APOB: variants seen among roughly 807,000 people sequenced by gnomAD.
APOB encodes apolipoprotein B-100.
APOB carries 153 observed loss-of-function variants against 314.1 expected under a neutral mutation model. That is an observed-to-expected ratio of 0.49 (90% CI 0.43 to 0.56). APOB has a LOEUF of 0.56. Ranked by LOEUF, APOB falls within the 20% of genes least tolerant of loss-of-function variation. The probability of loss-of-function intolerance (pLI) is 0.00; values close to 1 mark genes in which losing one functional copy is unlikely to be tolerated. For missense variants in APOB, 5,430 were observed against 5,350.7 expected (o/e 1.01, Z -0.46); for synonymous variants, 2,087 against 2,036.4 (o/e 1.02, Z -0.67).
In APOB at chr2:21,023,585, T is replaced by C. The variant is rs1395107107; in HGVS notation, c.2544A>G (p.Ile848Met). Residue 848 changes from isoleucine (I) to methionine (M), a missense_variant, in exon 17 of 29, where the codon ATA becomes ATG. Physicochemically the swap from Ile to Met is conservative, Grantham distance 10. Around this residue, in one of 3 missense-constraint regions of APOB, gnomAD observed 2,085 missense variants for 2,079.7 expected, o/e 1.00. Transcript: ENST00000233242. ...LPTGAGLQLQ[I>M]SSSGVIAPGA... Reference sequence around the variant, plus strand: ...CGGGAGCAATGACTCCAGATGAAGATATTTGCAACTGTAATCCAGCTCCAG... The same window carrying C: ...CGGGAGCAATGACTCCAGATGAAGACATTTGCAACTGTAATCCAGCTCCAG... The C allele has an allele frequency of 6.2e-7, 1 of 1,614,198 alleles. No individual in the cohort carries two copies. The highest frequency in any genetic ancestry group is 1.1e-5 in the South Asian group (1 of 91,090).
In APOB at chr2:21,019,911, G is replaced by A; in HGVS notation, c.2817-6C>T. 1 of 1,614,068 alleles carries A rather than the reference G, an allele frequency of 6.2e-7. No homozygotes were observed. The highest frequency in any genetic ancestry group is 1.1e-5 in the South Asian group (1 of 91,072). On this transcript the variant is annotated splice_polypyrimidine_tract_variant and splice_region_variant and intron_variant, in intron 18 of 28. Coordinates refer to ENST00000233242, the MANE Select transcript of APOB (RefSeq NM_000384.3). Reference sequence around the variant, plus strand: ...AGACCAAATGTAATGTGTTGCTGGTGAAGAACAAAAATACCTGAGTTATTG... The same window carrying A: ...AGACCAAATGTAATGTGTTGCTGGTAAAGAACAAAAATACCTGAGTTATTG...
rs772891186 is a variant in APOB at position 21,027,822 on chromosome 2, A to G, written c.2067+6T>C. On this transcript the variant is annotated splice_donor_region_variant and intron_variant, in intron 14 of 28. Transcript: ENST00000233242. ...GGCTAGAGAACCTCAAACTCTTCAC[A>G]CTTACCTCGATGAGGTCAGCTGAAG... 10 of 1,602,938 alleles carry G rather than the reference A, an allele frequency of 6.2e-6. No homozygotes were observed. Among genetic ancestry groups the G allele is most frequent in the Middle Eastern group, 3.3e-4 (2 of 6,070 alleles).
intron 28 of APOB, 143 bp downstream of exon 28, chr2:21,004,126 A>G (rs893368268): frequency 1.3e-6 from 1 of 797,324 alleles, no homozygotes; most frequent in Non-Finnish European, 2.1e-6. Context: ...TTTCTAGAGA[A>G]TATTTCCTCA....
In APOB at chr2:21,028,427, T is replaced by G; in HGVS notation, c.1729A>C (p.Ile577Leu). ...RSPSQADINK[I>L]VQILPWEQNE... ...TGTTCCCATGGTAGAATTTGGACAA[T>G]TTTGTTAATATCTGCCTGTGAAGGA... Residue 577 changes from isoleucine to leucine, a missense_variant, in exon 13 of 29, where the codon ATT (isoleucine) becomes CTT (leucine). By Grantham distance (5) the Ile-to-Leu change is conservative. Around this residue, in one of 3 missense-constraint regions of APOB, gnomAD observed 2,085 missense variants for 2,079.7 expected, o/e 1.00. Coordinates refer to ENST00000233242, the MANE Select transcript of APOB (RefSeq NM_000384.3). 4 of 1,614,140 alleles carry G rather than the reference T, an allele frequency of 2.5e-6. No homozygotes were observed. Among genetic ancestry groups the G allele is most frequent in the Non-Finnish European group, 3.4e-6 (4 of 1,179,994 alleles).
At position 21,009,899 on chromosome 2, in the gene APOB, A is replaced by T. The variant is rs138118085; in HGVS notation, c.6969T>A (p.Asn2323Lys). The T allele has an allele frequency of 3.2e-5, 51 of 1,613,884 alleles. No individual in the cohort carries two copies. In the African/African-American group the frequency reaches 6.8e-4, roughly 22 times the overall value. The change falls in exon 26 of 29, where the codon AAT (asparagine) becomes AAA (lysine). Residue 2323 changes from asparagine to lysine, a missense_variant. By Grantham distance (94) the Asn-to-Lys change is moderately conservative (BLOSUM62 0). Transcript: ENST00000233242. Reference protein sequence around the residue: ...ILEHVKHFVINLIGDFEVAEK... With the variant: ...ILEHVKHFVIKLIGDFEVAEK... ...CAGCTACTTCAAAATCCCCAATAAGATTTATAACAAAGTGTTTGACATGCT... is the reference window on the plus strand; with the variant it reads ...CAGCTACTTCAAAATCCCCAATAAGTTTTATAACAAAGTGTTTGACATGCT...
chr2:21,035,247 T>G (rs974420465), intron 7 of APOB, among the ~76,000 whole-genome samples: 2 of 152,230 alleles, frequency 1.3e-5, no homozygotes, highest in Non-Finnish European at 2.9e-5. Flanking sequence ...GTTTTCAAAG[T>G]GGATTTGGAT....
rs1195382272 is a variant in APOB, at chr2:21,008,122, C to G, written c.8746G>C (p.Ala2916Pro). The stretch of plus-strand genomic sequence containing the variant: ...GAAGAAGTCCATGCTATGTGGCCAG[C>G]TTTCAACAGTGTCTTGATCTCGTTG... The part of the protein sequence containing the change: ...LRNEIKTLLK[A>P]GHIAWTSSGK... Residue 2916 changes from alanine (A) to proline (P), a missense_variant, in exon 26 of 29, where the codon GCT (alanine) becomes CCT (proline). Physicochemically the swap from Ala to Pro is conservative, Grantham distance 27. Around this residue, in one of 3 missense-constraint regions of APOB, gnomAD observed 3,281 missense variants for 3,171.0 expected, o/e 1.03. Transcript: ENST00000233242. The G allele has an allele frequency of 1.2e-6, 2 of 1,613,920 alleles. No individual in the cohort carries two copies. The highest frequency in any genetic ancestry group is 1.6e-4 in the Middle Eastern group (1 of 6,078).
In APOB at chr2:21,041,055, C is replaced by G. The variant is rs1226992086; in HGVS notation, c.266G>C (p.Ser89Thr). Reference protein sequence around the residue: ...KVELEVPQLCSFILKTSQCTL... With the variant: ...KVELEVPQLCTFILKTSQCTL... ...GCACTGGCTGGTCTTCAGGATGAAG[C>G]TGCAGAGCTGGGGAACCTCCAGCTC... is the stretch of plus-strand genomic sequence containing the variant. Residue 89 changes from serine to threonine, a missense_variant, in exon 4 of 29, where the codon AGC becomes ACC. By Grantham distance (58) the Ser-to-Thr change is moderately conservative (BLOSUM62 1). Around this residue, in one of 3 missense-constraint regions of APOB, gnomAD observed 2,085 missense variants for 2,079.7 expected, o/e 1.00. Coordinates refer to ENST00000233242, the MANE Select transcript of APOB (RefSeq NM_000384.3). 1 of 1,612,704 alleles carries G rather than the reference C, an allele frequency of 6.2e-7. No individual in the cohort carries two copies. The highest frequency in any genetic ancestry group is 8.5e-7 in the Non-Finnish European group (1 of 1,179,826).
chr2:21,018,849 C>A (rs1663534353), intron 20 of APOB, 143 bp downstream of exon 20: 2 of 1,196,052 alleles, frequency 1.7e-6, no homozygotes, highest in African/African-American at 1.5e-5. Flanking sequence ...ACTCAGTTAA[C>A]CCAGGTCTTA....
In APOB at chr2:21,019,847, T is replaced by C. The variant is rs1479826063; in HGVS notation, c.2875A>G (p.Asn959Asp). The C allele has an allele frequency of 1.9e-6, 3 of 1,614,114 alleles. No homozygotes were observed. The highest frequency in any genetic ancestry group is 3.3e-5 in the Admixed American group (2 of 60,030). The change falls in exon 19 of 29, where the codon AAC becomes GAC. Residue 959 changes from asparagine to aspartate, a missense_variant. Coordinates refer to ENST00000233242, the MANE Select transcript of APOB (RefSeq NM_000384.3). Reference sequence around the variant, plus strand: ...TTGCAAACTGACCAGGACTGCCTGTTCTCAATGAGAGGTGGGATCACCTCC... The same window carrying C: ...TTGCAAACTGACCAGGACTGCCTGTCCTCAATGAGAGGTGGGATCACCTCC... ...KTEVIPPLIE[N>D]RQSWSVCKQV... is the part of the protein sequence containing the mutation.
rs919915211 is a variant in APOB at position 21,005,526 on chromosome 2, A to G, written c.11342T>C (p.Leu3781Pro). The G allele has an allele frequency of 1.9e-6, 3 of 1,614,058 alleles. No homozygotes were observed. The highest frequency in any genetic ancestry group is 2.5e-6 in the Non-Finnish European group (3 of 1,179,968). ...TACCTCGGGGAGTGTTGGTAGGTTGAGGGCAAATGATGAAGTTCTCAGCTT... is the reference window on the plus strand; with the variant it reads ...TACCTCGGGGAGTGTTGGTAGGTTGGGGGCAAATGATGAAGTTCTCAGCTT... Reference protein sequence around the residue: ...YKKLRTSSFALNLPTLPEVKF... With the variant: ...YKKLRTSSFAPNLPTLPEVKF... The change falls in exon 26 of 29, where the codon CTC becomes CCC. Residue 3781 changes from leucine to proline, a missense_variant. By Grantham distance (98) the Leu-to-Pro change is moderately conservative (BLOSUM62 -3). Coordinates refer to ENST00000233242, the MANE Select transcript of APOB (RefSeq NM_000384.3).
Position 21,009,244 on chromosome 2 carries a change from C to T in APOB, c.7624G>A (p.Val2542Ile), listed in dbSNP as rs919059916. 6.2e-7 allele frequency: 1 copy of T among 1,614,076 alleles called. No individual in the cohort carries two copies. Among genetic ancestry groups the T allele is most frequent in the Non-Finnish European group, 8.5e-7 (1 of 1,179,970 alleles). Residue 2542 changes from valine to isoleucine, a missense_variant, in exon 26 of 29, where the codon GTT becomes ATT. Val to Ile is a conservative substitution (Grantham distance 29). Coordinates refer to ENST00000233242, the MANE Select transcript of APOB (RefSeq NM_000384.3). ...LQRYLSLVGQ[V>I]YSTLVTYISD... The stretch of plus-strand genomic sequence containing the variant: ...ATGTAGGTGACAAGTGTGCTATAAA[C>T]CTGGCCTACCAGAGACAGGTATCGT...
intron 9 of APOB, among the ~76,000 whole-genome samples, chr2:21,032,980 C>A (rs1663916286): frequency 6.6e-6 from 1 of 152,178 alleles, no homozygotes; most frequent in Non-Finnish European, 1.5e-5. Flanking sequence ...AGTTCTCTCT[C>A]CACCAGCCTA....
At position 21,002,708 on chromosome 2, in the gene APOB, A is replaced by C; in HGVS notation, c.12714T>G (p.Gly4238=). The C allele has an allele frequency of 6.2e-7, 1 of 1,613,586 alleles. No individual in the cohort carries two copies. The highest frequency in any genetic ancestry group is 8.5e-7 in the Non-Finnish European group (1 of 1,179,758). The part of the protein sequence containing the change: ...LSQVYSKVHN[G]SEILFSYFQD... ...GGAAATAGGAAAACAGTATTTCTGAACCATTATGGACTTTCGAATATACCT... is the reference window on the plus strand; with the variant it reads ...GGAAATAGGAAAACAGTATTTCTGACCCATTATGGACTTTCGAATATACCT... Residue 4238 remains glycine (G), a synonymous_variant, in exon 29 of 29, where the codon GGT becomes GGG. Transcript: ENST00000233242.
chr2:21,040,850 C>T, intron 4 of APOB, 88 bp downstream of exon 4: 1 of 1,435,460 alleles, frequency 7.0e-7, no homozygotes. Context: ...CAAATACTTA[C>T]AGTCACATCC....
Position 21,007,262 on chromosome 2 carries a change from T to A in APOB, c.9606A>T (p.Lys3202Asn). The A allele has an allele frequency of 6.2e-7, 1 of 1,613,500 alleles. No homozygotes were observed. Among genetic ancestry groups the A allele is most frequent in the East Asian group, 2.2e-5 (1 of 44,878 alleles). ...VLCEFISQSI[K>N]SFDRHFEKNR... ...TTTTTTCAAAATGCCTGTCAAAGGA[T>A]TTGATGCTCTGACTGATAAACTCAC... is the stretch of plus-strand genomic sequence containing the variant. Residue 3202 changes from lysine to asparagine, a missense_variant, in exon 26 of 29, where the codon AAA (lysine) becomes AAT (asparagine). Coordinates refer to ENST00000233242, the MANE Select transcript of APOB (RefSeq NM_000384.3).
At chr2:21,018,865 G>A (rs1663534632) in intron 20 of APOB, 127 bp downstream of exon 20, 1 of 1,393,720 alleles carries the variant, frequency 7.2e-7, no homozygotes, top group Non-Finnish European at 1.0e-6. Context: ...TCTTAGAATA[G>A]GCCTGCCGCT....
chr2:21,043,483 C>G, intron 2 of APOB, 30 bp downstream of exon 2: 1 of 1,591,780 alleles, frequency 6.3e-7, no homozygotes, highest in Non-Finnish European at 8.6e-7. Flanking sequence ...GGCTGGGCGC[C>G]CTTCCACGCC....
chr2:21,004,261 G>A lies in APOB; in HGVS notation c.12087+8C>T. 1.2e-6 allele frequency: 2 copies of A among 1,613,704 alleles called. No homozygotes were observed. Among genetic ancestry groups the A allele is most frequent in the Non-Finnish European group, 1.7e-6 (2 of 1,179,744 alleles). ...TTGGGGGCGTGTCACTCATTAGGTG[G>A]TATTTACCTGAGGGCTGTAGTAGAA... On this transcript the variant is annotated splice_region_variant and intron_variant, in intron 28 of 28. Transcript: ENST00000233242.
Sources: gnomAD v4.1 joint callset for allele counts (sites outside exome capture counted in the v4.1 genomes callset) on GRCh38, gnomAD v4.1.1 for gene constraint, gnomAD v4.1.1 regional missense constraint, MANE v1.5 for transcripts, NCBI Gene and HGNC (gene_info 2026-07-23, HGNC 2026-07-21) for gene names.